DMD: variants seen among roughly 807,000 people sequenced by gnomAD.
The protein encoded by DMD is dystrophin.
DMD carries 63 observed loss-of-function variants against 330.1 expected under a neutral mutation model. The observed-to-expected ratio is 0.19, with a 90% CI of 0.16 to 0.24. The LOEUF is 0.24. Ranked by LOEUF, DMD falls within the 10% of genes least tolerant of loss-of-function variation. The pLI is 1.00. For synonymous variants in DMD, 1,223 were observed against 959.8 expected (o/e 1.27, Z -5.07); for missense variants, 3,344 against 2,684.1 (o/e 1.25, Z -5.43).
Position 32,861,448 on chromosome X carries a change from A to C in DMD, c.94-11628T>G, listed in dbSNP as rs9887510. 2.9e-3 allele frequency among the ~76,000 whole-genome samples: 329 copies of C among 111,785 alleles called. 1 individual carries two copies. The highest frequency in any genetic ancestry group is 9.6e-3 in the African/African-American group (294 of 30,738). On this transcript the variant is annotated intron_variant, in intron 2 of 78. Coordinates refer to ENST00000357033, the MANE Select transcript of DMD (RefSeq NM_004006.3). ...TTATCACCTGGAGGTGGAGAATGAC[A>C]CTCTCCTTTGAAATTTATATGGCCA...
intron 41 of DMD, among the ~76,000 whole-genome samples, chrX:32,322,345 T>C (rs2097621572): frequency 9.0e-6 from 1 of 111,129 alleles, no homozygotes; most frequent in Non-Finnish European, 1.9e-5. Context: ...GATTACTTGA[T>C]TCCAGGAGTT....
intron 7 of DMD, among the ~76,000 whole-genome samples, chrX:32,787,235 TGTGTGTGTGTGTGA>T (rs1253825478): frequency 4.0e-5 from 4 of 100,644 alleles, no homozygotes; most frequent in African/African-American, 7.4e-5. Context: ...TGTGTGTGTG[TGTGTGTGTGTGTGA>T]GAGAGAGAGA....
chrX:33,336,732 A>G (rs2054260388), intron 1 of DMD, among the ~76,000 whole-genome samples: 1 of 111,270 alleles, frequency 9.0e-6, no homozygotes, highest in Non-Finnish European at 1.9e-5. Flanking sequence ...TCTCTTTCAC[A>G]CCTTCTATTT....
intron 71 of DMD, among the ~76,000 whole-genome samples, chrX:31,175,199 T>C (rs2040392090): frequency 9.0e-6 from 1 of 111,686 alleles, no homozygotes; most frequent in African/African-American, 3.2e-5. Flanking sequence ...CATATTTTTT[T>C]AATAAGCAAA....
chrX:31,950,039 C>G (rs769855493), intron 45 of DMD, among the ~76,000 whole-genome samples: 23 of 110,575 alleles, frequency 2.1e-4, no homozygotes, highest in Non-Finnish European at 4.4e-4. Flanking sequence ...ATGCTTCCTT[C>G]GAGCTTACTG....
chrX:32,952,942 C>G (rs1159988885), intron 2 of DMD, among the ~76,000 whole-genome samples: 3 of 109,709 alleles, frequency 2.7e-5, no homozygotes, highest in Admixed American at 9.9e-5. Context: ...CAAGACCAGC[C>G]TGGCCAACAT....
chrX:31,523,024 A>G (rs2072971089), intron 55 of DMD, among the ~76,000 whole-genome samples: 1 of 111,235 alleles, frequency 9.0e-6, no homozygotes, highest in South Asian at 3.9e-4. Context: ...CTCAAACTTG[A>G]GTGGGCTTGA....
At chrX:31,648,700 A>G (rs1333756771) in intron 54 of DMD, among the ~76,000 whole-genome samples, 2 of 104,749 alleles carry the variant, frequency 1.9e-5, no homozygotes, top group African/African-American at 7.0e-5. Context: ...TGATTAAATG[A>G]CATCCCTTTT....
intron 50 of DMD, among the ~76,000 whole-genome samples, chrX:31,784,243 T>A (rs1433319201): frequency 1.8e-5 from 2 of 111,632 alleles, no homozygotes; most frequent in Admixed American, 9.5e-5. Flanking sequence ...GAAAACATAC[T>A]CAACATCGTC....
chrX:33,331,198 T>C (rs191438393), intron 1 of DMD, among the ~76,000 whole-genome samples: 125 of 111,827 alleles, frequency 1.1e-3, no homozygotes, highest in Non-Finnish European at 1.8e-3. Flanking sequence ...TTCCTGCCAC[T>C]GTGGCCACCA....
At chrX:32,149,937 T>C (rs1209674262) in intron 44 of DMD, among the ~76,000 whole-genome samples, 1 of 111,776 alleles carries the variant, frequency 8.9e-6, no homozygotes, top group Non-Finnish European at 1.9e-5. Flanking sequence ...AATTTCTCAG[T>C]TGGGAACAAG....
chrX:32,997,843 A>C (rs905368259), intron 2 of DMD, among the ~76,000 whole-genome samples: 1 of 111,500 alleles, frequency 9.0e-6, no homozygotes, highest in African/African-American at 3.3e-5. Flanking sequence ...TTTATCTACC[A>C]TCAGTTTCCC....
At chrX:32,021,030 G>A (rs2095802425) in intron 44 of DMD, among the ~76,000 whole-genome samples, 1 of 112,166 alleles carries the variant, frequency 8.9e-6, no homozygotes. Flanking sequence ...CTATTTATGT[G>A]TGCATACCCT....
At chrX:32,476,490 G>A (rs776846887) in intron 21 of DMD, among the ~76,000 whole-genome samples, 2 of 110,948 alleles carry the variant, frequency 1.8e-5, no homozygotes, top group African/African-American at 6.5e-5. Flanking sequence ...TATAGTTTGT[G>A]AGGCAAGCTG....
Position 31,121,924 on chromosome X carries a change from T to C in DMD, c.11053A>G (p.Met3685Val). ...TPGKPMREDT[M>V] The stretch of plus-strand genomic sequence containing the variant: ...TGCCATGTGGAAAAGACTTCCTACA[T>C]TGTGTCCTGGAAAACAAAGAGAAAG... Residue 3685 changes from methionine to valine, a missense_variant, in exon 79 of 79, where the codon ATG becomes GTG. Transcript: ENST00000357033. 1 of 1,196,231 alleles carries C rather than the reference T, an allele frequency of 8.4e-7. No homozygotes were observed. Among genetic ancestry groups the C allele is most frequent in the Non-Finnish European group, 1.1e-6 (1 of 881,923 alleles).
chrX:33,267,673 AGC>A (rs2053068685), intron 1 of DMD, among the ~76,000 whole-genome samples: 2 of 111,826 alleles, frequency 1.8e-5, no homozygotes, highest in African/African-American at 6.5e-5. Context: ...AGACTACAGT[AGC>A]CAATACAGCA....
At chrX:31,137,337 C>T (rs1005661810) in intron 76 of DMD, among the ~76,000 whole-genome samples, 3 of 111,855 alleles carry the variant, frequency 2.7e-5, no homozygotes, top group African/African-American at 6.5e-5. Flanking sequence ...TTTTAAGAAT[C>T]GAAATCAGAC....
intron 17 of DMD, among the ~76,000 whole-genome samples, chrX:32,537,677 G>A (rs1236918576): frequency 1.7e-4 from 19 of 111,595 alleles, no homozygotes; most frequent in Non-Finnish European, 2.8e-4. Context: ...TCAGGAGTCC[G>A]TAAGGGAATA....
chrX:31,501,578 G>C (rs762625286), intron 56 of DMD, among the ~76,000 whole-genome samples: 1 of 111,752 alleles, frequency 8.9e-6, no homozygotes, highest in East Asian at 2.8e-4. Context: ...AGATGTGCTG[G>C]AGTATATTGC....
Sources: allele counts gnomAD v4.1 joint callset (sites outside exome capture counted in the v4.1 genomes callset), GRCh38; gene constraint gnomAD v4.1.1; transcripts MANE v1.5; gene names NCBI Gene and HGNC (gene_info 2026-07-23, HGNC 2026-07-21).